The following EXOC6B variants were observed in gnomAD, a reference collection of about 807,000 sequenced individuals.
EXOC6B encodes exocyst complex component 6B, also known as SEC15 homolog B.
In EXOC6B, 54 loss-of-function variants were observed where a neutral mutation model predicts 113.5. The observed-to-expected ratio is 0.48, with a 90% confidence interval of 0.38 to 0.60. EXOC6B has a LOEUF of 0.60. Ranked by LOEUF, EXOC6B falls within the 20% of genes least tolerant of loss-of-function variation. The pLI, the probability that EXOC6B is intolerant of heterozygous loss-of-function variation, is 0.00. For synonymous variants in EXOC6B, 357 were observed against 339.0 expected, an observed-to-expected ratio of 1.05 and a Z score of -0.58; for missense variants, 797 against 977.5, an observed-to-expected ratio of 0.82 and a Z score of 2.46.
At chr2:72,422,440 A>C (rs1450629060) in intron 18 of EXOC6B, among the ~76,000 whole-genome samples, 1 of 146,202 alleles carries the variant, frequency 6.8e-6, no homozygotes, top group African/African-American at 2.6e-5. Flanking sequence ...GAGAACCTTT[A>C]TGTCTAGCTC....
At chr2:72,514,981 G>A (rs1016091502) in intron 9 of EXOC6B, 62 bp downstream of exon 9, 30 of 1,210,242 alleles carry the variant, frequency 2.5e-5, no homozygotes, top group African/African-American at 2.1e-4. Flanking sequence ...ACACACACAC[G>A]CATCAAAAGA....
At chr2:72,589,110 T>C (rs2103918798) in intron 6 of EXOC6B, among the ~76,000 whole-genome samples, 1 of 147,872 alleles carries the variant, frequency 6.8e-6, no homozygotes, top group East Asian at 2.0e-4. Context: ...ACTATTTGTG[T>C]AATCTTGTGT....
chr2:72,523,653 C>T (rs1369295105), intron 8 of EXOC6B, among the ~76,000 whole-genome samples: 2 of 151,870 alleles, frequency 1.3e-5, no homozygotes, highest in African/African-American at 4.8e-5. Flanking sequence ...TGGTGGCAGG[C>T]GCCTGCAGTC....
chr2:72,355,831 T>C (rs1689943027), intron 19 of EXOC6B, among the ~76,000 whole-genome samples: 1 of 152,204 alleles, frequency 6.6e-6, no homozygotes, highest in African/African-American at 2.4e-5. Flanking sequence ...TAAAGCACTA[T>C]AAATTCTCTA....
intron 18 of EXOC6B, among the ~76,000 whole-genome samples, chr2:72,422,402 T>C (rs1250244750): frequency 1.3e-5 from 2 of 151,130 alleles, no homozygotes; most frequent in East Asian, 3.9e-4. Flanking sequence ...ATTGACACTC[T>C]GTATCTAGCT....
intron 6 of EXOC6B, among the ~76,000 whole-genome samples, chr2:72,667,504 A>G (rs1675476454): frequency 6.6e-6 from 1 of 152,222 alleles, no homozygotes; most frequent in Non-Finnish European, 1.5e-5. Flanking sequence ...TCAAAACAGC[A>G]TGGTACTGGT....
chr2:72,773,294 T>C (rs1683509854), intron 1 of EXOC6B, among the ~76,000 whole-genome samples: 1 of 151,550 alleles, frequency 6.6e-6, no homozygotes. Flanking sequence ...GCCCAGCTAA[T>C]TTTTTTCACA....
Position 72,255,790 on chromosome 2 carries a change from GA to G in EXOC6B, c.2197-71604del, listed in dbSNP as rs373787302. ...CTGATGATGTTTAGATGAGACTTTA[GA>G]CTTAGAGTTAATGCAATAATGGATT... On this transcript the variant is annotated intron_variant, in intron 20 of 21. Coordinates refer to ENST00000272427, the MANE Select transcript of EXOC6B (RefSeq NM_015189.3). Among the ~76,000 whole-genome samples the G allele has an allele frequency of 3.5e-4, 54 of 152,312 alleles. 1 individual carries two copies. In the East Asian group the frequency reaches 0.01, roughly 29 times the overall value.
intron 20 of EXOC6B, among the ~76,000 whole-genome samples, chr2:72,211,594 G>C (rs564259187): frequency 6.6e-6 from 1 of 152,090 alleles, no homozygotes; most frequent in Non-Finnish European, 1.5e-5. Context: ...CCATAAGCTG[G>C]GTTTTATGGT....
intron 20 of EXOC6B, among the ~76,000 whole-genome samples, chr2:72,212,713 G>GACAACTCTTATGTTCTCT (rs1680269722): frequency 6.6e-6 from 1 of 152,176 alleles, no homozygotes; most frequent in African/African-American, 2.4e-5. Flanking sequence ...TATGGAGAGT[G>GACAACTCTTATGTTCTCT]ACAACTCTTA....
intron 1 of EXOC6B, among the ~76,000 whole-genome samples, chr2:72,807,524 G>A (rs1014395032): frequency 6.6e-6 from 1 of 152,032 alleles, no homozygotes; most frequent in African/African-American, 2.4e-5. Context: ...GGTTCCATAT[G>A]AGTTTATGGA....
chr2:72,718,392 G>T, intron 5 of EXOC6B, 85 bp from the exon 6 acceptor site: 1 of 973,948 alleles, frequency 1.0e-6, no homozygotes, highest in Non-Finnish European at 1.5e-6. Flanking sequence ...TTTTCACTGT[G>T]CATTAACACA....
chr2:72,719,726 CTAGA>C (rs901540730), intron 5 of EXOC6B, among the ~76,000 whole-genome samples: 1 of 152,098 alleles, frequency 6.6e-6, no homozygotes, highest in African/African-American at 2.4e-5. Flanking sequence ...TGATACCTTG[CTAGA>C]TAAACAAAGA....
intron 1 of EXOC6B, among the ~76,000 whole-genome samples, chr2:72,782,117 G>A (rs1320085177): frequency 1.4e-5 from 2 of 147,178 alleles, no homozygotes; most frequent in Admixed American, 1.4e-4. Flanking sequence ...TCCAGCCTGG[G>A]CAACAGAGCG....
intron 1 of EXOC6B, among the ~76,000 whole-genome samples, chr2:72,781,620 C>G (rs1302334524): frequency 1.3e-5 from 2 of 152,112 alleles, no homozygotes; most frequent in African/African-American, 4.8e-5. Flanking sequence ...CAAAAATTGG[C>G]AACAGATCGC....
chr2:72,498,580 T>C (rs1290843181), intron 12 of EXOC6B, 29 bp from the exon 13 acceptor site: 1 of 1,502,010 alleles, frequency 6.7e-7, no homozygotes, highest in Admixed American at 2.3e-5. Flanking sequence ...ATCACTTCAG[T>C]GTCTAAGGAA....
rs560211440 is a variant in EXOC6B, at chr2:72,287,444, T to A, written c.2196+47503A>T. Among the ~76,000 whole-genome samples, 189 of 135,966 alleles carry A rather than the reference T, an allele frequency of 1.4e-3. 2 individuals carry two copies. In the South Asian group the frequency reaches 0.02, roughly 14 times the overall value. The allele number at this position is 135,966 out of a possible 152,430, so 89.2% of individuals were successfully genotyped here. A position where few individuals can be genotyped will look rare whatever the true frequency, so the allele number is the denominator to read the frequency against. On this transcript the variant is annotated intron_variant, in intron 20 of 21. Transcript: ENST00000272427. ...AGACTTCATCTCAAAAAAAAAAAAATAAAAATAAAAATAAAAATAAAAAAA... is the reference window on the plus strand; with the variant it reads ...AGACTTCATCTCAAAAAAAAAAAAAAAAAAATAAAAATAAAAATAAAAAAA...
intron 20 of EXOC6B, among the ~76,000 whole-genome samples, chr2:72,288,309 T>C (rs746159171): frequency 3.3e-5 from 5 of 152,110 alleles, no homozygotes; most frequent in East Asian, 1.9e-4. Flanking sequence ...CTCTATGACC[T>C]GCAACTGCAA....
At chr2:72,403,826 C>T (rs1235707603) in intron 18 of EXOC6B, among the ~76,000 whole-genome samples, 4 of 152,120 alleles carry the variant, frequency 2.6e-5, no homozygotes, top group Non-Finnish European at 4.4e-5. Flanking sequence ...ACTGAGGTAC[C>T]GGGTTCATCT....
Sources: gnomAD v4.1 joint callset for allele counts (sites outside exome capture counted in the v4.1 genomes callset) on GRCh38, gnomAD v4.1.1 for gene constraint, MANE v1.5 for transcripts, NCBI Gene and HGNC (gene_info 2026-07-23, HGNC 2026-07-21) for gene names.